The following SEPTIN10 variants were observed in gnomAD, a reference collection of about 807,000 sequenced individuals.
SEPTIN10 encodes the protein septin 10.
A neutral mutation model predicts 54.8 loss-of-function variants in SEPTIN10; 66 were observed. The observed-to-expected ratio is 1.21, with a 90% CI of 0.99 to 1.48. SEPTIN10 has a LOEUF of 1.48. SEPTIN10 is among the 40% of genes most tolerant of loss of function. The probability of loss-of-function intolerance (pLI) is 0.00; values close to 1 mark genes in which losing one functional copy is unlikely to be tolerated. For missense variants in SEPTIN10, 620 were observed against 545.6 expected (o/e 1.14, Z -1.36); for synonymous variants, 161 against 181.0 (o/e 0.89, Z 0.89).
At chr2:109,590,513 C>A (rs1346490579) in intron 2 of SEPTIN10, among the ~76,000 whole-genome samples, 1 of 151,978 alleles carries the variant, frequency 6.6e-6, no homozygotes, top group Non-Finnish European at 1.5e-5. Context: ...CTCACTGCAA[C>A]CTCTGCCTCC....
Position 109,545,737 on chromosome 2 carries a change from C to T in SEPTIN10, c.1349+313G>A. The T allele has an allele frequency of 2.1e-6, 3 of 1,429,838 alleles. No individual in the cohort carries two copies. In the South Asian group the frequency reaches 4.7e-5, roughly 22 times the overall value. 88.6% of individuals were successfully genotyped at this position (1,429,838 alleles called of 1,614,324 possible). A position where few individuals can be genotyped will look rare whatever the true frequency, so the allele number is the denominator to read the frequency against. On this transcript the variant is annotated intron_variant, in intron 10 of 10. Transcript: ENST00000397712. ...CATTAGCTGTGTACTAGGGCCACGG[C>T]TGGGCTATTCAATAAGAGCAGCCAT...
chr2:109,548,737 T>C (rs561446419), intron 9 of SEPTIN10, among the ~76,000 whole-genome samples: 7 of 125,344 alleles, frequency 5.6e-5, no homozygotes, highest in South Asian at 2.7e-4. Flanking sequence ...GATAGCGCCA[T>C]TGCACTCCAG....
chr2:109,569,358 G>T (rs1014440747), intron 5 of SEPTIN10, among the ~76,000 whole-genome samples: 3 of 151,254 alleles, frequency 2.0e-5, no homozygotes, highest in African/African-American at 7.3e-5. Context: ...TTGAACCCAG[G>T]AGGCAGAGGT....
At position 109,567,352 on chromosome 2, in the gene SEPTIN10, C is replaced by T. The variant is rs868481042; in HGVS notation, c.762+463G>A. On this transcript the variant is annotated intron_variant, in intron 6 of 10. Transcript: ENST00000397712. ...TAAAATTAAGAACTTAGTCACCTTC[C>T]ATTGTACTAAACTAAAAGTTATATG... 6.6e-5 allele frequency among the ~76,000 whole-genome samples: 10 copies of T among 152,248 alleles called. No homozygotes were observed. The Middle Eastern group carries it at 0.014, about 207-fold the overall frequency.
At chr2:109,595,168 T>C (rs1424729995) in intron 1 of SEPTIN10, among the ~76,000 whole-genome samples, 1 of 152,218 alleles carries the variant, frequency 6.6e-6, no homozygotes, top group Non-Finnish European at 1.5e-5. Context: ...ATTACAGGCC[T>C]GAGCCCCCAC....
At chr2:109,548,011 C>T (rs977827023) in intron 9 of SEPTIN10, among the ~76,000 whole-genome samples, 2 of 152,176 alleles carry the variant, frequency 1.3e-5, no homozygotes, top group Non-Finnish European at 2.9e-5. Context: ...CATTTTTATA[C>T]CCCCAGCACA....
At chr2:109,544,503 A>C in intron 10 of SEPTIN10, 179 bp from the exon 11 acceptor site, 1 of 985,378 alleles carries the variant, frequency 1.0e-6, no homozygotes, top group Non-Finnish European at 1.2e-6. Flanking sequence ...AGAGCTCTCA[A>C]AAAATATGGG....
chr2:109,560,131 A>G (rs1685319927), intron 8 of SEPTIN10, among the ~76,000 whole-genome samples: 1 of 152,080 alleles, frequency 6.6e-6, no homozygotes, highest in African/African-American at 2.4e-5. Flanking sequence ...CGTGTTAGCC[A>G]GGATAGTCTT....
intron 8 of SEPTIN10, chr2:109,564,132 C>T (rs1228836833): frequency 7.8e-6 from 3 of 383,230 alleles, no homozygotes; most frequent in Non-Finnish European, 1.4e-5. Context: ...GCCATACATT[C>T]TTCATCATAT....
At chr2:109,613,242 A>G (rs1699662587) in intron 1 of SEPTIN10, 3 of 1,230,486 alleles carry the variant, frequency 2.4e-6, no homozygotes, top group Non-Finnish European at 2.1e-6. Context: ...GAAAGGTTCA[A>G]AACAGTGAAC....
At chr2:109,578,093 A>G (rs1690156585) in intron 4 of SEPTIN10, among the ~76,000 whole-genome samples, 1 of 152,136 alleles carries the variant, frequency 6.6e-6, no homozygotes, top group South Asian at 2.1e-4. Flanking sequence ...GAGAACCACT[A>G]TAAGCATAGA....
rs1684301124 is a variant in SEPTIN10, at chr2:109,556,069, T to A, written c.1029-2850A>T. ...AGCAGAGCTCTCTAGACATTTCAGT[T>A]TCTTTATAAATGTTCATAGAATGAC... On this transcript the variant is annotated intron_variant, in intron 8 of 10. Transcript: ENST00000397712. 2.0e-5 allele frequency among the ~76,000 whole-genome samples: 3 copies of A among 152,192 alleles called. No homozygotes were observed. In the South Asian group the frequency reaches 6.2e-4, roughly 31 times the overall value.
intron 8 of SEPTIN10, among the ~76,000 whole-genome samples, chr2:109,559,443 C>A (rs757399208): frequency 6.6e-6 from 1 of 152,184 alleles, no homozygotes; most frequent in Non-Finnish European, 1.5e-5. Flanking sequence ...ACTGCTCCCA[C>A]CCAGTCCGTA....
At chr2:109,594,462 A>G (rs1260116135) in intron 1 of SEPTIN10, among the ~76,000 whole-genome samples, 1 of 151,690 alleles carries the variant, frequency 6.6e-6, no homozygotes, top group Non-Finnish European at 1.5e-5. Flanking sequence ...ACTGCTCTGC[A>G]CTGTGGTTTT....
At chr2:109,559,751 T>C (rs1229344774) in intron 8 of SEPTIN10, among the ~76,000 whole-genome samples, 1 of 152,152 alleles carries the variant, frequency 6.6e-6, no homozygotes, top group African/African-American at 2.4e-5. Context: ...CTGGACATTC[T>C]TTCCCTGGAC....
intron 8 of SEPTIN10, among the ~76,000 whole-genome samples, chr2:109,558,008 G>A (rs1053836722): frequency 3.9e-5 from 6 of 152,042 alleles, no homozygotes; most frequent in African/African-American, 1.4e-4. Context: ...ACCTAGGCTG[G>A]TCTCAAACTC....
At chr2:109,578,422 TAA>T (rs1240528293) in intron 4 of SEPTIN10, among the ~76,000 whole-genome samples, 4 of 152,128 alleles carry the variant, frequency 2.6e-5, no homozygotes, top group African/African-American at 4.8e-5. Flanking sequence ...TACGTAATAA[TAA>T]AAGTGTCAAT....
intron 8 of SEPTIN10, among the ~76,000 whole-genome samples, chr2:109,554,395 A>T (rs1215760163): frequency 6.6e-6 from 1 of 152,180 alleles, no homozygotes; most frequent in African/African-American, 2.4e-5. Context: ...ATATGTATTC[A>T]TTCATTCATT....
At chr2:109,587,112 T>C (rs866438882) in intron 2 of SEPTIN10, among the ~76,000 whole-genome samples, 139 of 152,194 alleles carry the variant, frequency 9.1e-4, no homozygotes, top group African/African-American at 3.3e-3. Flanking sequence ...ATAACAAATA[T>C]GCTAAAGAAT....
Sources: gnomAD v4.1 joint callset for allele counts (sites outside exome capture counted in the v4.1 genomes callset) on GRCh38, gnomAD v4.1.1 for gene constraint, MANE v1.5 for transcripts, NCBI Gene and HGNC (gene_info 2026-07-23, HGNC 2026-07-21) for gene names.